The following HERC1 variants were observed in gnomAD, a reference collection of about 807,000 sequenced individuals.
The protein encoded by HERC1 is probable E3 ubiquitin-protein ligase HERC1.
In HERC1, 160 loss-of-function variants were observed where a neutral mutation model predicts 554.3. The ratio of observed to expected loss-of-function variants is 0.29; its 90% CI spans 0.25 to 0.33. The LOEUF is 0.33. Ranked by LOEUF, HERC1 falls within the 10% of genes least tolerant of loss-of-function variation. HERC1 has a pLI of 1.00. For synonymous variants in HERC1, 2,175 were observed against 2,131.7 expected, an observed-to-expected ratio of 1.02 and a Z score of -0.56; for missense variants, 4,919 against 5,918.5, an observed-to-expected ratio of 0.83 and a Z score of 5.54.
intron 12 of HERC1, among the ~76,000 whole-genome samples, chr15:63,741,322 G>A (rs960815394): frequency 1.1e-4 from 17 of 147,952 alleles, no homozygotes; most frequent in African/African-American, 3.3e-4. Context: ...CCACCGCGCC[G>A]GGCCCATCTT....
rs145286513 is a variant in HERC1, at chr15:63,793,767, A to G, written c.-26-18118T>C. Among the ~76,000 whole-genome samples the G allele has an allele frequency of 2.0e-3, 298 of 151,924 alleles. 1 individual carries two copies. Among genetic ancestry groups the G allele is most frequent in the Non-Finnish European group, 3.7e-3 (248 of 67,916 alleles). ...GACCCCTTTCCAGTACAGAACCTCT[A>G]TGGGTTCAGCTATCTGGAAGTTCCC... On this transcript the variant is annotated intron_variant, in intron 1 of 77. Coordinates refer to ENST00000443617, the MANE Select transcript of HERC1 (RefSeq NM_003922.4).
intron 25 of HERC1, among the ~76,000 whole-genome samples, chr15:63,703,961 G>T (rs1272678798): frequency 6.6e-6 from 1 of 151,536 alleles, no homozygotes; most frequent in Non-Finnish European, 1.5e-5. Context: ...TCACTTGGCT[G>T]GACATTTGTT....
chr15:63,691,248 T>G (rs1035401490), intron 31 of HERC1, among the ~76,000 whole-genome samples: 1 of 152,082 alleles, frequency 6.6e-6, no homozygotes, highest in African/African-American at 2.4e-5. Flanking sequence ...GGCAGATCAC[T>G]TAAGGCCAGG....
intron 25 of HERC1, among the ~76,000 whole-genome samples, chr15:63,705,876 A>G (rs2072975230): frequency 6.6e-6 from 1 of 151,938 alleles, no homozygotes; most frequent in African/African-American, 2.4e-5. Context: ...AAAAATAATA[A>G]AAAACTAGCT....
Position 63,692,903 on chromosome 15 carries a change from A to T in HERC1, c.5675-337T>A, listed in dbSNP as rs575132205. Among the ~76,000 whole-genome samples the T allele has an allele frequency of 1.3e-5, 2 of 152,290 alleles. No individual in the cohort carries two copies. Among genetic ancestry groups the T allele is most frequent in the Admixed American group, 1.3e-4 (2 of 15,290 alleles). ...TAATCCAGTTCCCAAATATCAGGAC[A>T]GGCGCAATGGCTCACATCTGTAATC... is the stretch of plus-strand genomic sequence containing the variant. On this transcript the variant is annotated intron_variant, in intron 30 of 77. Transcript: ENST00000443617. This position sits in a 1 kb window ranked among gnomAD's most constrained non-coding sequence, Gnocchi z 4.7.
rs766756390 is a variant in HERC1 at position 63,718,601 on chromosome 15, T to C, written c.3951A>G (p.Gln1317=). 3.2e-6 allele frequency: 5 copies of C among 1,585,334 alleles called. No homozygotes were observed. The highest frequency in any genetic ancestry group is 1.1e-5 in the South Asian group (1 of 87,496). The change falls in exon 21 of 78, where the codon CAA becomes CAG. Residue 1317 remains glutamine, a synonymous_variant. Transcript: ENST00000443617. The surrounding 1 kb of genome is among the most constrained non-coding windows in gnomAD (Gnocchi z 4.2). The part of the protein sequence containing the change: ...LLACKNLELI[Q]TRSSSRDRWI... ...ATCTGTCCCGTGATGATGACCTTGTTTGAATAAGTTCAAGGTTCTTGCAAG... is the reference window on the plus strand; with the variant it reads ...ATCTGTCCCGTGATGATGACCTTGTCTGAATAAGTTCAAGGTTCTTGCAAG...
In HERC1 at chr15:63,669,689, G is replaced by C; in HGVS notation, c.8055C>G (p.Phe2685Leu). 6.2e-7 allele frequency: 1 copy of C among 1,613,094 alleles called. No homozygotes were observed. Among genetic ancestry groups the C allele is most frequent in the South Asian group, 1.1e-5 (1 of 90,996 alleles). The part of the protein sequence containing the change: ...VMPLSLLRQM[F>L]SSYPTTTVLP... The stretch of plus-strand genomic sequence containing the variant: ...GTACAGTGGTAGTTGGGTAACTAGA[G>C]AACATTTGCCTTTAAGAAAATAACA... The change falls in exon 40 of 78, where the codon TTC becomes TTG. Residue 2685 changes from phenylalanine to leucine, a missense_variant. By Grantham distance (22) the Phe-to-Leu change is conservative. This residue lies in a region of HERC1 where 1,963 missense variants were observed against 2,228.6 expected (regional missense o/e 0.88). Coordinates refer to ENST00000443617, the MANE Select transcript of HERC1 (RefSeq NM_003922.4).
At position 63,749,446 on chromosome 15, in the gene HERC1, C is replaced by A. The variant is rs1730673033; in HGVS notation, c.2140G>T (p.Gly714Cys). ...GPITKPKKVS[G>C]LDGIAIQQIS... ...TGCTGAATAGCTATGCCATCTAAGC[C>A]ACTCACTTTCTTTGGTTTAGTAATA... Residue 714 changes from glycine (G) to cysteine (C), a missense_variant, in exon 10 of 78, where the codon GGC (glycine) becomes TGC (cysteine). By Grantham distance (159) the Gly-to-Cys change is radical. Coordinates refer to ENST00000443617, the MANE Select transcript of HERC1 (RefSeq NM_003922.4). The surrounding 1 kb of genome is among the most constrained non-coding windows in gnomAD (Gnocchi z 4.1). 1.9e-6 allele frequency: 3 copies of A among 1,613,704 alleles called. No individual in the cohort carries two copies. Among genetic ancestry groups the A allele is most frequent in the African/African-American group, 1.3e-5 (1 of 74,918 alleles).
intron 1 of HERC1, among the ~76,000 whole-genome samples, chr15:63,805,039 C>T (rs1009076236): frequency 1.3e-5 from 2 of 152,140 alleles, no homozygotes; most frequent in African/African-American, 4.8e-5. Flanking sequence ...TAAACACACG[C>T]TGTACTTAGC....
chr15:63,824,395 G>A (rs768808107), intron 1 of HERC1, among the ~76,000 whole-genome samples: 1 of 151,962 alleles, frequency 6.6e-6, no homozygotes, highest in Non-Finnish European at 1.5e-5. Flanking sequence ...TTAGCCGGGT[G>A]TGGTGGCAGG....
rs757424388 is a variant in HERC1 at position 63,696,236 on chromosome 15, G to A, written c.5009C>T (p.Ser1670Phe). 1.2e-6 allele frequency: 2 copies of A among 1,613,344 alleles called. No homozygotes were observed. The highest frequency in any genetic ancestry group is 1.7e-5 in the Admixed American group (1 of 59,956). ...AGSRLSSGFQSSTLLTSVRLQ... is the reference protein window; with the variant it reads ...AGSRLSSGFQFSTLLTSVRLQ... The stretch of plus-strand genomic sequence containing the variant: ...CCTCACAGACGTGAGTAGTGTGGAG[G>A]ACTGGAAGCCTGAACTCAATCTGCT... Residue 1670 changes from serine to phenylalanine, a missense_variant, in exon 27 of 78, where the codon TCC becomes TTC. By Grantham distance (155) the Ser-to-Phe change is radical. Transcript: ENST00000443617.
chr15:63,703,916 CAAA>C (rs1254785831), intron 25 of HERC1, among the ~76,000 whole-genome samples: 2 of 117,178 alleles, frequency 1.7e-5, no homozygotes, highest in Non-Finnish European at 1.8e-5. Flanking sequence ...GACACTGTCT[CAAA>C]AAAAAAAAAG....
Position 63,656,169 on chromosome 15 carries a change from C to T in HERC1, c.9789G>A (p.Leu3263=), listed in dbSNP as rs56318707. ...ATCCCACTGCTGTGCTCAAATAGGCCAGGCAAGAGATAGGCTTGTTAGCCT... is the reference window on the plus strand; with the variant it reads ...ATCCCACTGCTGTGCTCAAATAGGCTAGGCAAGAGATAGGCTTGTTAGCCT... The part of the protein sequence containing the change: ...HSKANKPISC[L]AYLSTAVGCL... The change falls in exon 49 of 78, where the codon CTG becomes CTA. Residue 3263 remains leucine (L), a synonymous_variant. Transcript: ENST00000443617. The T allele has an allele frequency of 3.6e-5, 58 of 1,612,604 alleles. No individual in the cohort carries two copies. Among genetic ancestry groups the T allele is most frequent in the Non-Finnish European group, 4.7e-5 (56 of 1,179,236 alleles).
At chr15:63,817,129 T>C (rs945608148) in intron 1 of HERC1, among the ~76,000 whole-genome samples, 5 of 150,342 alleles carry the variant, frequency 3.3e-5, no homozygotes, top group African/African-American at 9.7e-5. Context: ...AAAAAAGAGA[T>C]GAAGAGAGTC....
intron 74 of HERC1, among the ~76,000 whole-genome samples, chr15:63,622,583 T>TCAG (rs2068129180): frequency 6.6e-6 from 1 of 152,204 alleles, no homozygotes; most frequent in South Asian, 2.1e-4. Flanking sequence ...TCCACCCGCC[T>TCAG]CAGCCTCCCA....
intron 53 of HERC1, among the ~76,000 whole-genome samples, chr15:63,650,292 G>A (rs1037886518): frequency 2.6e-5 from 4 of 151,996 alleles, no homozygotes; most frequent in African/African-American, 9.7e-5. Flanking sequence ...TGTAGTCCCA[G>A]CTACCTGGGA....
At chr15:63,729,432 C>T in intron 15 of HERC1, 64 bp from the exon 16 acceptor site, 3 of 1,595,628 alleles carry the variant, frequency 1.9e-6, no homozygotes, top group Admixed American at 3.5e-5. Flanking sequence ...AATATCATGG[C>T]CTATCCAAAT....
intron 1 of HERC1, among the ~76,000 whole-genome samples, chr15:63,811,111 C>T (rs1399836235): frequency 6.6e-6 from 1 of 151,168 alleles, no homozygotes; most frequent in Non-Finnish European, 1.5e-5. Context: ...ATCCTGGACC[C>T]GAAAAAAACA....
chr15:63,651,159 G>A (rs2069654310), intron 53 of HERC1, 94 bp downstream of exon 53: 1 of 1,129,552 alleles, frequency 8.9e-7, no homozygotes, highest in Non-Finnish European at 1.3e-6. Context: ...TGAATTTCAA[G>A]GTGAAGAGAA....
Sources: allele counts gnomAD v4.1 joint callset (sites outside exome capture counted in the v4.1 genomes callset), GRCh38; gene constraint gnomAD v4.1.1; regional missense constraint gnomAD v4.1.1; non-coding constraint Gnocchi (gnomAD v3.1); transcripts MANE v1.5; gene names NCBI Gene and HGNC (gene_info 2026-07-23, HGNC 2026-07-21).